Variants in FAM135B observed in about 807,000 individuals in gnomAD.
FAM135B encodes protein FAM135B.
In FAM135B, 43 loss-of-function variants were observed where a neutral mutation model predicts 127.7. The ratio of observed to expected loss-of-function variants is 0.34; its 90% CI spans 0.26 to 0.43. The LOEUF is 0.43. Ranked by LOEUF, FAM135B falls within the 20% of genes least tolerant of loss-of-function variation. FAM135B has a pLI of 1.00. For synonymous variants in FAM135B, 670 were observed against 665.1 expected (o/e 1.01, Z -0.11); for missense variants, 1,558 against 1,725.6 (o/e 0.90, Z 1.72).
chr8:138,307,442 C>T (rs1658917343), intron 3 of FAM135B, among the ~76,000 whole-genome samples: 1 of 152,154 alleles, frequency 6.6e-6, no homozygotes, highest in Non-Finnish European at 1.5e-5. Context: ...AGCACCCCTT[C>T]ACCCATGCTA....
At chr8:138,179,909 G>T (rs1010574940) in intron 9 of FAM135B, among the ~76,000 whole-genome samples, 8 of 152,096 alleles carry the variant, frequency 5.3e-5, no homozygotes, top group Non-Finnish European at 1.0e-4. Context: ...TCGAACTCCT[G>T]GGCTCAAGTG....
At chr8:138,345,368 T>C (rs1322459228) in intron 2 of FAM135B, among the ~76,000 whole-genome samples, 1 of 152,170 alleles carries the variant, frequency 6.6e-6, no homozygotes, top group African/African-American at 2.4e-5. Context: ...ACAAAAGGCA[T>C]GAGCAGGAGT....
At chr8:138,154,315 T>C (rs948851590) in intron 12 of FAM135B, among the ~76,000 whole-genome samples, 4 of 151,982 alleles carry the variant, frequency 2.6e-5, no homozygotes, top group Admixed American at 6.6e-5. Flanking sequence ...CAAAGGTAGA[T>C]AAAACCACAA....
chr8:138,435,045 C>T (rs989101288), intron 1 of FAM135B, among the ~76,000 whole-genome samples: 2 of 152,172 alleles, frequency 1.3e-5, no homozygotes, highest in African/African-American at 2.4e-5. Context: ...CGGTGGCTCG[C>T]GCCTGTAATC....
At chr8:138,388,243 T>C (rs1390578172) in intron 1 of FAM135B, among the ~76,000 whole-genome samples, 1 of 152,104 alleles carries the variant, frequency 6.6e-6, no homozygotes, top group Non-Finnish European at 1.5e-5. Flanking sequence ...AGACTAACAA[T>C]ACCAAATGAT....
chr8:138,215,680 C>G lies in FAM135B; in HGVS notation c.670-18011G>C, dbSNP rs1586796553. Among the ~76,000 whole-genome samples the G allele has an allele frequency of 4.6e-5, 7 of 152,232 alleles. 2 individuals carry two copies. Among genetic ancestry groups the G allele is most frequent in the Admixed American group, 4.6e-4 (7 of 15,292 alleles). ...TGGCACAGACAGAACATTATAGAACCCCCAAATCATGTTGCATTAATTGAT... is the reference window on the plus strand; with the variant it reads ...TGGCACAGACAGAACATTATAGAACGCCCAAATCATGTTGCATTAATTGAT... On this transcript the variant is annotated intron_variant, in intron 7 of 19. Transcript: ENST00000395297.
In FAM135B at chr8:138,310,850, C is replaced by T. The variant is rs1441007745; in HGVS notation, c.148G>A (p.Gly50Arg). ...IPHRLSASIAGQTESSSLHSA... is the reference protein window; with the variant it reads ...IPHRLSASIARQTESSSLHSA... Reference sequence around the variant, plus strand: ...CCATTCTTCTGCTCACCTGTCTGCCCAGCGATGGAGGCACTCAGTCTGTGG... The same window carrying T: ...CCATTCTTCTGCTCACCTGTCTGCCTAGCGATGGAGGCACTCAGTCTGTGG... The change falls in exon 3 of 20, where the codon GGG becomes AGG. Residue 50 changes from glycine to arginine, a missense_variant. Transcript: ENST00000395297. 2.5e-6 allele frequency: 4 copies of T among 1,613,758 alleles called. No homozygotes were observed. The highest frequency in any genetic ancestry group is 1.3e-5 in the African/African-American group (1 of 74,948).
intron 1 of FAM135B, among the ~76,000 whole-genome samples, chr8:138,379,178 G>A (rs1462831451): frequency 6.6e-6 from 1 of 152,146 alleles, no homozygotes; most frequent in Non-Finnish European, 1.5e-5. Flanking sequence ...CTGTCTCCAA[G>A]TTCTTTTTTT....
intron 12 of FAM135B, among the ~76,000 whole-genome samples, chr8:138,157,818 AACATTCC>A (rs1818922669): frequency 6.6e-6 from 1 of 152,258 alleles, no homozygotes; most frequent in African/African-American, 2.4e-5. Context: ...CAAATGGAAG[AACATTCC>A]ATGCTCATGG....
chr8:138,283,346 A>G (rs1235796398), intron 3 of FAM135B, among the ~76,000 whole-genome samples: 7 of 152,282 alleles, frequency 4.6e-5, no homozygotes, highest in South Asian at 4.1e-4. Context: ...TAATTGAAAT[A>G]AGTCAATCTA....
At chr8:138,166,546 C>T (rs1462223077) in intron 12 of FAM135B, among the ~76,000 whole-genome samples, 26 of 152,172 alleles carry the variant, frequency 1.7e-4, no homozygotes, top group Admixed American at 1.7e-3. Context: ...TGACCTATAA[C>T]ACAATTAAAA....
At chr8:138,223,836 C>A (rs753190782) in intron 7 of FAM135B, among the ~76,000 whole-genome samples, 2 of 152,150 alleles carry the variant, frequency 1.3e-5, no homozygotes, top group African/African-American at 4.8e-5. Context: ...CCATATACAA[C>A]GTGGAATACT....
intron 17 of FAM135B, among the ~76,000 whole-genome samples, chr8:138,139,821 A>G (rs1816973435): frequency 6.6e-6 from 1 of 152,240 alleles, no homozygotes; most frequent in Non-Finnish European, 1.5e-5. Flanking sequence ...TTAGGCAAAC[A>G]CTAACATTGA....
At chr8:138,275,516 C>T (rs111414583) in intron 3 of FAM135B, among the ~76,000 whole-genome samples, 15 of 152,104 alleles carry the variant, frequency 9.9e-5, no homozygotes, top group Admixed American at 2.0e-4. Context: ...GAGACCCTAT[C>T]GCTATAATTT....
intron 9 of FAM135B, among the ~76,000 whole-genome samples, chr8:138,189,982 C>G (rs1351808247): frequency 6.6e-6 from 1 of 152,174 alleles, no homozygotes; most frequent in African/African-American, 2.4e-5. Flanking sequence ...AGCAGCACAA[C>G]CTTATCTGCA....
chr8:138,261,350 C>T (rs563644392), intron 4 of FAM135B, among the ~76,000 whole-genome samples: 1 of 152,148 alleles, frequency 6.6e-6, no homozygotes, highest in Non-Finnish European at 1.5e-5. Context: ...CATATGTAAT[C>T]TTTTCCTCTT....
At chr8:138,442,217 A>C (rs1197197883) in intron 1 of FAM135B, among the ~76,000 whole-genome samples, 2 of 126,716 alleles carry the variant, frequency 1.6e-5, no homozygotes, top group Non-Finnish European at 3.4e-5. Flanking sequence ...AAAAAAATTT[A>C]ACGTGAAGAA....
At chr8:138,334,609 A>T (rs1828427646) in intron 2 of FAM135B, among the ~76,000 whole-genome samples, 1 of 152,064 alleles carries the variant, frequency 6.6e-6, no homozygotes, top group Non-Finnish European at 1.5e-5. Context: ...TATTCTCATC[A>T]TCTAACTTCT....
intron 1 of FAM135B, among the ~76,000 whole-genome samples, chr8:138,449,479 T>C (rs1836376228): frequency 6.6e-6 from 1 of 151,732 alleles, no homozygotes; most frequent in South Asian, 2.1e-4. Flanking sequence ...AGGGGGGCAG[T>C]AGTGAAACAG....
Sources: gnomAD v4.1 joint callset for allele counts (sites outside exome capture counted in the v4.1 genomes callset) on GRCh38, gnomAD v4.1.1 for gene constraint, MANE v1.5 for transcripts, NCBI Gene and HGNC (gene_info 2026-07-23, HGNC 2026-07-21) for gene names.